Variants in DHX29 observed in about 807,000 individuals in gnomAD.
The protein encoded by DHX29 is DExH-box helicase 29.
In DHX29, 79 loss-of-function variants were observed where a neutral mutation model predicts 167.9. The observed-to-expected ratio is 0.47, with a 90% confidence interval of 0.39 to 0.57. The LOEUF (loss-of-function observed/expected upper bound fraction) is 0.57, where lower values mean the gene tolerates loss of function less well. Ranked by LOEUF, DHX29 falls within the 20% of genes least tolerant of loss-of-function variation. The pLI is 0.00. For synonymous variants in DHX29, 530 were observed against 546.0 expected, an observed-to-expected ratio of 0.97 and a Z score of 0.41; for missense variants, 1,347 against 1,593.4, an observed-to-expected ratio of 0.85 and a Z score of 2.63.
In DHX29 at chr5:55,277,222, T is replaced by C. The variant is rs748030454; in HGVS notation, c.2170A>G (p.Lys724Glu). 7 of 1,592,282 alleles carry C rather than the reference T, an allele frequency of 4.4e-6. No individual in the cohort carries two copies. The highest frequency in any genetic ancestry group is 1.4e-5 in the African/African-American group (1 of 72,276). The change falls in exon 13 of 27, where the codon AAA becomes GAA. Residue 724 changes from lysine to glutamate, a missense_variant. This residue lies in a region of DHX29 where 882 missense variants were observed against 1,082.4 expected (regional missense o/e 0.81). Coordinates refer to ENST00000251636, the MANE Select transcript of DHX29 (RefSeq NM_019030.4). ...LLIILKEILQKRSDLHLILMS... is the reference protein window; with the variant it reads ...LLIILKEILQERSDLHLILMS... ...AGAATCAAGTGTAGATCAGAACGTT[T>C]CTGTAAAATTTCCTTCAAGATAATT...
chr5:55,257,243 C>A (rs1579741509), intron 26 of DHX29, among the ~76,000 whole-genome samples: 1 of 152,070 alleles, frequency 6.6e-6, no homozygotes, highest in African/African-American at 2.4e-5. Flanking sequence ...TAGGAAGTTA[C>A]AATTATCAGG....
At chr5:55,261,037 G>C (rs1442324634) in intron 25 of DHX29, among the ~76,000 whole-genome samples, 1 of 152,128 alleles carries the variant, frequency 6.6e-6, no homozygotes, top group Admixed American at 6.5e-5. Context: ...CTGTGTTTGA[G>C]TGTCTCTATG....
At chr5:55,296,733 C>A (rs1039624146) in intron 3 of DHX29, among the ~76,000 whole-genome samples, 1 of 151,940 alleles carries the variant, frequency 6.6e-6, no homozygotes, top group Non-Finnish European at 1.5e-5. Context: ...TGGACATATC[C>A]TGATTTAATT....
intron 10 of DHX29, 27 bp downstream of exon 10, chr5:55,285,266 G>T: frequency 6.2e-7 from 1 of 1,611,254 alleles, no homozygotes. Context: ...TCCACATACA[G>T]ATATAGTTAG....
chr5:55,281,502 C>T lies in DHX29; in HGVS notation c.1979G>A (p.Gly660Glu). Residue 660 changes from glycine (G) to glutamate (E), a missense_variant, in exon 12 of 27, where the codon GGA (glycine) becomes GAA (glutamate). Transcript: ENST00000251636. ...TCGAGATTCCATCCGGATCTGATAT[C>T]CACACAAGGAATTCTAAAGGGAGAA... is the stretch of plus-strand genomic sequence containing the variant. The part of the protein sequence containing the change: ...NGPGGRNSLC[G>E]YQIRMESRAC... 6.3e-7 allele frequency: 1 copy of T among 1,588,740 alleles called. No individual in the cohort carries two copies. Among genetic ancestry groups the T allele is most frequent in the Non-Finnish European group, 8.6e-7 (1 of 1,168,312 alleles).
chr5:55,281,105 AAT>A (rs960868770), intron 12 of DHX29, among the ~76,000 whole-genome samples: 8 of 149,732 alleles, frequency 5.3e-5, no homozygotes, highest in East Asian at 4.1e-4. Context: ...TTTGAATAGC[AAT>A]ATATATATGT....
rs549196947 is a variant in DHX29 at position 55,276,099 on chromosome 5, T to C, written c.2427+167A>G. On this transcript the variant is annotated intron_variant, in intron 14 of 26. Transcript: ENST00000251636. ...AAATCAAAGACTACAGTCTATGAAA[T>C]AAAGATTAAAGAAATGACCTTTAAA... Among the ~76,000 whole-genome samples the C allele has an allele frequency of 3.3e-5, 5 of 152,304 alleles. No individual in the cohort carries two copies. The South Asian group carries it at 1.0e-3, about 32-fold the overall frequency.
rs115351979 is a variant in DHX29 at position 55,283,439 on chromosome 5, G to C, written c.1729C>G (p.His577Asp). ...AGAGTTTCAACAATTGAGTCCCGAT[G>C]TTTAAATACAGGTAGCTGTTGTCTT... ...KERQQLPVFKHRDSIVETLKR... is the reference protein window; with the variant it reads ...KERQQLPVFKDRDSIVETLKR... The change falls in exon 11 of 27, where the codon CAT becomes GAT. Residue 577 changes from histidine (H) to aspartate (D), a missense_variant. By Grantham distance (81) the His-to-Asp change is moderately conservative (BLOSUM62 -1). Around this residue, in one of 3 missense-constraint regions of DHX29, gnomAD observed 882 missense variants for 1,082.4 expected, o/e 0.81. Coordinates refer to ENST00000251636, the MANE Select transcript of DHX29 (RefSeq NM_019030.4). 6.2e-7 allele frequency: 1 copy of C among 1,614,210 alleles called. No individual in the cohort carries two copies. Among genetic ancestry groups the C allele is most frequent in the Non-Finnish European group, 8.5e-7 (1 of 1,180,036 alleles).
chr5:55,306,003 C>T (rs1748840083), intron 1 of DHX29, among the ~76,000 whole-genome samples: 1 of 151,976 alleles, frequency 6.6e-6, no homozygotes, highest in Non-Finnish European at 1.5e-5. Context: ...AAGAATACAA[C>T]AAATGACTAT....
intron 6 of DHX29, 36 bp from the exon 7 acceptor site, chr5:55,290,380 AAAG>A: frequency 2.6e-6 from 4 of 1,557,190 alleles, no homozygotes; most frequent in African/African-American, 1.4e-5. Context: ...GGGGAAAAAA[AAAG>A]AAGAGCAAGA....
chr5:55,269,629 A>G lies in DHX29; in HGVS notation c.3078T>C (p.Asn1026=), dbSNP rs748485146. The G allele has an allele frequency of 5.6e-6, 9 of 1,612,742 alleles. No homozygotes were observed. The highest frequency in any genetic ancestry group is 2.2e-5 in the East Asian group (1 of 44,854). Residue 1026 remains asparagine (N), a synonymous_variant, in exon 21 of 27, where the codon AAT becomes AAC. Transcript: ENST00000251636. ...AGAGGAAATCTTCAGGAGAACCAAGATTACATTTCTGCAGATTAAAAAAGC... is the reference window on the plus strand; with the variant it reads ...AGAGGAAATCTTCAGGAGAACCAAGGTTACATTTCTGCAGATTAAAAAAGC... ...EELCLHIMKC[N]LGSPEDFLSK... is the part of the protein sequence containing the mutation.
chr5:55,289,163 A>G, intron 8 of DHX29, 107 bp downstream of exon 8: 1 of 1,245,888 alleles, frequency 8.0e-7, no homozygotes, highest in East Asian at 2.9e-5. Flanking sequence ...CTTCACTGCC[A>G]TCTTACGTAC....
chr5:55,270,762 A>G, intron 18 of DHX29, 56 bp from the exon 19 acceptor site: 9 of 1,433,626 alleles, frequency 6.3e-6, no homozygotes, highest in Non-Finnish European at 8.8e-6. Flanking sequence ...TCAAAATTGG[A>G]AAAAGCTGGA....
chr5:55,276,046 T>C (rs542972225), intron 14 of DHX29, among the ~76,000 whole-genome samples: 20 of 152,272 alleles, frequency 1.3e-4, no homozygotes, highest in Non-Finnish European at 2.8e-4. Context: ...TGGCCCAGAA[T>C]AGTCTAAGAG....
At chr5:55,276,230 C>T (rs1747105083) in intron 14 of DHX29, 36 bp downstream of exon 14, 1 of 1,519,566 alleles carries the variant, frequency 6.6e-7, no homozygotes, top group Admixed American at 2.3e-5. Flanking sequence ...CCCTGGATAT[C>T]ATTATCTGAT....
At chr5:55,262,046 T>TA (rs1746337304) in intron 24 of DHX29, among the ~76,000 whole-genome samples, 1 of 152,082 alleles carries the variant, frequency 6.6e-6, no homozygotes. Context: ...CATACTGCCT[T>TA]AAAAAATGTG....
chr5:55,297,707 C>G (rs1455432794), intron 2 of DHX29, among the ~76,000 whole-genome samples: 1 of 152,184 alleles, frequency 6.6e-6, no homozygotes, highest in Non-Finnish European at 1.5e-5. Flanking sequence ...AGTTCTATCC[C>G]AAACATACTG....
Position 55,266,969 on chromosome 5 carries a change from G to A in DHX29, c.3525+169C>T, listed in dbSNP as rs1746607481. Among the ~76,000 whole-genome samples the A allele has an allele frequency of 4.0e-5, 6 of 151,362 alleles. No homozygotes were observed. In the South Asian group the frequency reaches 8.4e-4, roughly 21 times the overall value. On this transcript the variant is annotated intron_variant, in intron 23 of 26. Coordinates refer to ENST00000251636, the MANE Select transcript of DHX29 (RefSeq NM_019030.4). Reference sequence around the variant, plus strand: ...ACTATTTTAAATCACTGTGTAATACGTACAAGTTACTTGCTGGAAGAAAGA... The same window carrying A: ...ACTATTTTAAATCACTGTGTAATACATACAAGTTACTTGCTGGAAGAAAGA...
Position 55,261,506 on chromosome 5 carries a change from G to T in DHX29, c.3829-7C>A. 6.6e-7 allele frequency: 1 copy of T among 1,509,866 alleles called. No individual in the cohort carries two copies. Among genetic ancestry groups the T allele is most frequent in the Non-Finnish European group, 9.0e-7 (1 of 1,105,624 alleles). The allele number at this position is 1,509,866 out of a possible 1,614,324, so 93.5% of individuals were successfully genotyped here. On this transcript the variant is annotated splice_polypyrimidine_tract_variant and splice_region_variant and intron_variant, in intron 24 of 26. Transcript: ENST00000251636. ...ACACTCTGGCATACCTTATCTACAT[G>T]GGAAAAAGGGGGGAAAATAACTTCA...
Sources: allele counts gnomAD v4.1 joint callset (sites outside exome capture counted in the v4.1 genomes callset), GRCh38; gene constraint gnomAD v4.1.1; regional missense constraint gnomAD v4.1.1; transcripts MANE v1.5; gene names NCBI Gene and HGNC (gene_info 2026-07-23, HGNC 2026-07-21).